Variants in UTS2 observed in about 807,000 individuals in gnomAD.
UTS2 encodes urotensin-2.
In UTS2, 10 loss-of-function variants were observed where a neutral mutation model predicts 12.6. The ratio of observed to expected loss-of-function variants is 0.80; its 90% CI spans 0.49 to 1.35. The LOEUF (loss-of-function observed/expected upper bound fraction) is 1.35, where lower values mean the gene tolerates loss of function less well. UTS2 is among the 40% of genes most tolerant of loss of function. The pLI, the probability that UTS2 is intolerant of heterozygous loss-of-function variation, is 0.00. For missense variants in UTS2, 142 were observed against 143.2 expected (o/e 0.99, Z 0.04); for synonymous variants, 52 against 50.0 (o/e 1.04, Z -0.17).
At chr1:7,850,710 C>T in intron 2 of UTS2, 102 bp downstream of exon 2, 6 of 1,218,486 alleles carry the variant, frequency 4.9e-6, no homozygotes, top group South Asian at 1.3e-5. Flanking sequence ...TATAGCTCAT[C>T]TTTATATTCC....
At chr1:7,910,941 T>G in the UTS2 span, among the ~76,000 whole-genome samples, 1 of 151,634 alleles carries the variant, frequency 6.6e-6, no homozygotes, top group African/African-American at 2.4e-5. Context: ...ATAGGCCTCA[T>G]TAACCCTCAT....
chr1:7,900,026 T>G, the UTS2 span, among the ~76,000 whole-genome samples: 1 of 152,206 alleles, frequency 6.6e-6, no homozygotes, highest in Non-Finnish European at 1.5e-5. Flanking sequence ...AGACTTTTTA[T>G]AACCTGGAAT....
chr1:7,913,150 G>C, the UTS2 span, among the ~76,000 whole-genome samples: 1 of 151,800 alleles, frequency 6.6e-6, no homozygotes, highest in Admixed American at 6.6e-5. Context: ...CTCCCACCAA[G>C]AGACGTGAGA....
chr1:7,875,417 C>A, the UTS2 span, among the ~76,000 whole-genome samples: 1 of 152,142 alleles, frequency 6.6e-6, no homozygotes, highest in East Asian at 1.9e-4. Context: ...TGGACTAATA[C>A]AACCTGCATG....
the UTS2 span, among the ~76,000 whole-genome samples, chr1:7,863,030 ATTGTATTGTATTGTATTGTATTGTATT>A: frequency 3.2e-5 from 1 of 31,556 alleles, no homozygotes; most frequent in Non-Finnish European, 9.7e-5. Flanking sequence ...ATTGTATTGT[ATTGTATTGTATTGTATTGTATTGTATT>A]GTATTGTATT....
chr1:7,858,323 A>G (rs1410720340), upstream of UTS2, among the ~76,000 whole-genome samples: 1 of 152,174 alleles, frequency 6.6e-6, no homozygotes, highest in African/African-American at 2.4e-5. Context: ...ATGAACAAAG[A>G]CCACCCTGAG....
intron 2 of UTS2, among the ~76,000 whole-genome samples, chr1:7,849,996 G>T: frequency 7.0e-6 from 1 of 143,842 alleles, no homozygotes; most frequent in East Asian, 2.0e-4. Context: ...TTGAGACAGA[G>T]TCTTGCTCTG....
At chr1:7,901,735 G>A in the UTS2 span, among the ~76,000 whole-genome samples, 2 of 152,016 alleles carry the variant, frequency 1.3e-5, no homozygotes, top group Non-Finnish European at 2.9e-5. Context: ...GTGAGGAAAT[G>A]GACTTCGTGG....
intron 3 of UTS2, among the ~76,000 whole-genome samples, chr1:7,848,963 G>A (rs760826838): frequency 2.0e-5 from 3 of 152,136 alleles, no homozygotes; most frequent in Non-Finnish European, 4.4e-5. Flanking sequence ...TCCTAGGTGG[G>A]CCTAAGATCC....
At chr1:7,901,018 T>G in the UTS2 span, among the ~76,000 whole-genome samples, 1 of 152,228 alleles carries the variant, frequency 6.6e-6, no homozygotes, top group Non-Finnish European at 1.5e-5. Flanking sequence ...TTACTTCTGT[T>G]TCAATTTCCC....
chr1:7,862,517 G>A, the UTS2 span, among the ~76,000 whole-genome samples: 2 of 152,086 alleles, frequency 1.3e-5, no homozygotes, highest in Non-Finnish European at 2.9e-5. Flanking sequence ...GTCTTATTTG[G>A]CTCACAGTTC....
At chr1:7,901,855 G>A in the UTS2 span, among the ~76,000 whole-genome samples, 3 of 152,134 alleles carry the variant, frequency 2.0e-5, no homozygotes, top group Admixed American at 6.6e-5. Flanking sequence ...AGCAGATCAC[G>A]GAACGTGTGA....
At chr1:7,862,508 T>C in the UTS2 span, among the ~76,000 whole-genome samples, 2 of 151,394 alleles carry the variant, frequency 1.3e-5, no homozygotes, top group Non-Finnish European at 2.9e-5. Context: ...AAGAAAAGAG[T>C]CTTATTTGGC....
chr1:7,852,914 G>A lies in UTS2; in HGVS notation c.90C>T (p.Ser30=). Residue 30 remains serine (S), a synonymous_variant, in exon 1 of 4, where the codon TCC becomes TCT. Coordinates refer to ENST00000361696, the MANE Select transcript of UTS2 (RefSeq NM_006786.4). ...SLPLLDSREI[S]FQLSAPHEDA... ...AAAAAATCTTACCTGAGAGTTGAAAGGATATTTCCCTGGAGTCAAGGAGAG... is the reference window on the plus strand; with the variant it reads ...AAAAAATCTTACCTGAGAGTTGAAAAGATATTTCCCTGGAGTCAAGGAGAG... The A allele has an allele frequency of 6.2e-7, 1 of 1,608,988 alleles. No homozygotes were observed. The highest frequency in any genetic ancestry group is 8.5e-7 in the Non-Finnish European group (1 of 1,178,334).
At chr1:7,903,658 G>A in the UTS2 span, among the ~76,000 whole-genome samples, 1 of 60,366 alleles carries the variant, frequency 1.7e-5, no homozygotes, top group Admixed American at 2.5e-4. Flanking sequence ...TCAAAGTGCT[G>A]GGATTACAGG....
At chr1:7,892,827 C>A in the UTS2 span, among the ~76,000 whole-genome samples, 1 of 152,044 alleles carries the variant, frequency 6.6e-6, no homozygotes, top group Non-Finnish European at 1.5e-5. Context: ...TGTGATTACA[C>A]CAGGCCCACC....
chr1:7,906,477 A>AAGAAAGAAAGAAAGAAAGAAAG, the UTS2 span, among the ~76,000 whole-genome samples: 94 of 149,104 alleles, frequency 6.3e-4, no homozygotes, highest in African/African-American at 2.3e-3. Context: ...GAAAGAAAGA[A>AAGAAAGAAAGAAAGAAAGAAAG]AGAAAGAAAG....
At chr1:7,860,731 G>A in the UTS2 span, among the ~76,000 whole-genome samples, 3 of 151,774 alleles carry the variant, frequency 2.0e-5, no homozygotes, top group Non-Finnish European at 2.9e-5. Flanking sequence ...ACCATGGTCG[G>A]ACTAAATTAT....
Position 7,849,624 on chromosome 1 carries a change from A to C in UTS2, c.258+16T>G, listed in dbSNP as rs763232446. ...GTTCACCTTTTTAAACCTAACTCAT[A>C]AATAGAGTCACTTACCTTTCTCAAA... On this transcript the variant is annotated intron_variant, in intron 3 of 3. Transcript: ENST00000361696. The C allele has an allele frequency of 1.2e-6, 2 of 1,602,554 alleles. No homozygotes were observed. Among genetic ancestry groups the C allele is most frequent in the South Asian group, 2.2e-5 (2 of 89,460 alleles).
Sources: gnomAD v4.1 joint callset for allele counts (sites outside exome capture counted in the v4.1 genomes callset) on GRCh38, gnomAD v4.1.1 for gene constraint, MANE v1.5 for transcripts, NCBI Gene and HGNC (gene_info 2026-07-23, HGNC 2026-07-21) for gene names.